Variants in STPG2 observed in about 807,000 individuals in gnomAD.
STPG2 encodes sperm tail PG-rich repeat containing 2.
STPG2 carries 56 observed loss-of-function variants against 54.2 expected under a neutral mutation model. The ratio of observed to expected loss-of-function variants is 1.03; its 90% CI spans 0.83 to 1.29. STPG2 has a LOEUF of 1.29. Among genes scored for constraint, STPG2 ranks in the 50% most tolerant of loss-of-function variants. The pLI is 0.00. For missense variants in STPG2, 596 were observed against 544.9 expected, an observed-to-expected ratio of 1.09 and a Z score of -0.93; for synonymous variants, 200 against 181.8, an observed-to-expected ratio of 1.10 and a Z score of -0.81.
intron 7 of STPG2, among the ~76,000 whole-genome samples, chr4:97,962,992 C>T (rs1442375680): frequency 1.3e-5 from 2 of 152,040 alleles, no homozygotes; most frequent in East Asian, 1.9e-4. Flanking sequence ...AACCCCATCT[C>T]TACTAAAAAT....
At chr4:97,986,475 A>T (rs1321341384) in intron 5 of STPG2, among the ~76,000 whole-genome samples, 1 of 152,196 alleles carries the variant, frequency 6.6e-6, no homozygotes, top group Non-Finnish European at 1.5e-5. Flanking sequence ...AGCTGTAGAA[A>T]TGACCTATGG....
chr4:97,976,216 T>A (rs1398685471), intron 6 of STPG2, among the ~76,000 whole-genome samples: 1 of 152,168 alleles, frequency 6.6e-6, no homozygotes, highest in East Asian at 1.9e-4. Context: ...TTATTCCCGC[T>A]GCTGTTCAAC....
At position 98,106,253 on chromosome 4, in the gene STPG2, A is replaced by G. The variant is rs550335290; in HGVS notation, c.501-189T>C. On this transcript the variant is annotated intron_variant, in intron 4 of 10. Coordinates refer to ENST00000295268, the MANE Select transcript of STPG2 (RefSeq NM_174952.3). ...GTATTAGTTTTCTTGGTTAGTTATG[A>G]TTTTTTTCCAATTCAGATCATTATT... is the stretch of plus-strand genomic sequence containing the variant. Among the ~76,000 whole-genome samples, 5 of 152,148 alleles carry G rather than the reference A, an allele frequency of 3.3e-5. No homozygotes were observed. The South Asian group carries it at 8.3e-4, about 25-fold the overall frequency.
At chr4:97,503,139 G>A (rs1730762854) in intron 4 of STPG2, among the ~76,000 whole-genome samples, 1 of 151,766 alleles carries the variant, frequency 6.6e-6, no homozygotes, top group East Asian at 1.9e-4. Context: ...GATGATTAAT[G>A]GGATCCCTGA....
chr4:97,946,089 C>A (rs1357737837), intron 7 of STPG2, among the ~76,000 whole-genome samples: 1 of 152,024 alleles, frequency 6.6e-6, no homozygotes, highest in Non-Finnish European at 1.5e-5. Flanking sequence ...AAAGGCCATT[C>A]TTGCAGGAGT....
At chr4:97,880,644 A>G (rs77321834) in intron 8 of STPG2, among the ~76,000 whole-genome samples, 2,598 of 152,274 alleles carry the variant, frequency 0.017, 75 homozygotes, top group African/African-American at 0.059. Flanking sequence ...TGAGGTAGAT[A>G]AAGACTTGAC....
chr4:97,724,401 T>A (rs1724554283), intron 9 of STPG2, among the ~76,000 whole-genome samples: 1 of 152,206 alleles, frequency 6.6e-6, no homozygotes, highest in Admixed American at 6.5e-5. Flanking sequence ...CAGACCACTA[T>A]CTATGTCTAT....
At chr4:97,822,092 C>T (rs1180971704) in intron 9 of STPG2, among the ~76,000 whole-genome samples, 1 of 152,198 alleles carries the variant, frequency 6.6e-6, no homozygotes, top group African/African-American at 2.4e-5. Context: ...TCAGCTTCCC[C>T]TTTAAATGTA....
At chr4:97,716,464 A>G (rs2149011480) in intron 9 of STPG2, among the ~76,000 whole-genome samples, 1 of 152,290 alleles carries the variant, frequency 6.6e-6, no homozygotes, top group African/African-American at 2.4e-5. Flanking sequence ...CCCATCAATG[A>G]TAGACTAGAT....
At chr4:97,903,243 T>A (rs999174662) in intron 8 of STPG2, among the ~76,000 whole-genome samples, 5 of 152,272 alleles carry the variant, frequency 3.3e-5, no homozygotes, top group Admixed American at 1.3e-4. Context: ...AAGGAAACTA[T>A]ATGAGATAAT....
intron 8 of STPG2, among the ~76,000 whole-genome samples, chr4:97,845,087 A>G (rs1375779703): frequency 1.3e-5 from 2 of 151,226 alleles, no homozygotes; most frequent in African/African-American, 4.8e-5. Context: ...TTTTTCTTTA[A>G]TTATTTAATC....
rs111950964 is a variant in STPG2, at chr4:97,662,203, T to C, written c.1320+50496A>G. Among the ~76,000 whole-genome samples the C allele has an allele frequency of 5.5e-3, 829 of 151,822 alleles. 6 individuals are homozygous for C. Among genetic ancestry groups the C allele is most frequent in the Middle Eastern group, 0.02 (6 of 294 alleles). On this transcript the variant is annotated intron_variant, in intron 10 of 10. Transcript: ENST00000295268. The stretch of plus-strand genomic sequence containing the variant: ...ATAAACAAAGAGCAAATAACGCCAC[T>C]AAAAAGTGGGCAAAGGACATGAATA...
At chr4:98,018,821 G>C (rs1249158239) in intron 5 of STPG2, among the ~76,000 whole-genome samples, 1 of 151,734 alleles carries the variant, frequency 6.6e-6, no homozygotes, top group Admixed American at 6.6e-5. Context: ...GTCTTCTTTT[G>C]AGAAGTGTCT....
At chr4:97,534,811 C>T (rs1731492894) in intron 4 of STPG2, among the ~76,000 whole-genome samples, 1 of 152,148 alleles carries the variant, frequency 6.6e-6, no homozygotes, top group African/African-American at 2.4e-5. Context: ...ACAACCACTA[C>T]TCTGCTTCCT....
At chr4:97,728,477 T>G (rs1357261543) in intron 9 of STPG2, among the ~76,000 whole-genome samples, 1 of 152,020 alleles carries the variant, frequency 6.6e-6, no homozygotes, top group African/African-American at 2.4e-5. Context: ...ATTGAAGAAA[T>G]CTATATGCAG....
At chr4:98,051,549 T>C (rs761056909) in intron 5 of STPG2, among the ~76,000 whole-genome samples, 1 of 152,200 alleles carries the variant, frequency 6.6e-6, no homozygotes, top group African/African-American at 2.4e-5. Flanking sequence ...CATCACGTGA[T>C]ACTTTCCACC....
At chr4:97,680,156 C>T (rs890217809) in intron 10 of STPG2, among the ~76,000 whole-genome samples, 4 of 150,978 alleles carry the variant, frequency 2.6e-5, no homozygotes, top group African/African-American at 9.8e-5. Flanking sequence ...TTTTCCAATT[C>T]TGTGAAGAAA....
intron 4 of STPG2, among the ~76,000 whole-genome samples, chr4:97,514,313 G>T (rs1272617162): frequency 6.6e-6 from 1 of 152,074 alleles, no homozygotes; most frequent in Non-Finnish European, 1.5e-5. Context: ...AATGAGAAAG[G>T]AGTCTGAAGA....
chr4:97,858,643 C>T (rs749799981), intron 8 of STPG2, among the ~76,000 whole-genome samples: 3 of 152,118 alleles, frequency 2.0e-5, no homozygotes, highest in Non-Finnish European at 2.9e-5. Flanking sequence ...TAAGTGAGAA[C>T]GTAGACATTT....
Sources: gnomAD v4.1 joint callset for allele counts (sites outside exome capture counted in the v4.1 genomes callset) on GRCh38, gnomAD v4.1.1 for gene constraint, MANE v1.5 for transcripts, NCBI Gene and HGNC (gene_info 2026-07-23, HGNC 2026-07-21) for gene names.